Variants in DAB1 observed in about 807,000 individuals in gnomAD.
The protein encoded by DAB1 is DAB adaptor protein 1.
DAB1 carries 15 observed loss-of-function variants against 64.6 expected under a neutral mutation model. That is an observed-to-expected ratio of 0.23 (90% confidence interval 0.16 to 0.36). The LOEUF (loss-of-function observed/expected upper bound fraction) is 0.36, where lower values mean the gene tolerates loss of function less well. Among genes scored for constraint, DAB1 ranks in the 10% least tolerant of loss-of-function variants. DAB1 has a pLI of 1.00. For missense variants in DAB1, 596 were observed against 706.7 expected (o/e 0.84, Z 1.78); for synonymous variants, 235 against 251.9 (o/e 0.93, Z 0.64).
At chr1:57,747,807 C>CAAAAAAA (rs373640023) in intron 6 of DAB1, among the ~76,000 whole-genome samples, 2 of 43,974 alleles carry the variant, frequency 4.5e-5, no homozygotes, top group African/African-American at 1.5e-4. Flanking sequence ...GGACTCTGTC[C>CAAAAAAA]AAAAAAAAAA....
intron 2 of DAB1, among the ~76,000 whole-genome samples, chr1:57,230,067 A>T (rs530727361): frequency 6.6e-6 from 1 of 152,206 alleles, no homozygotes; most frequent in Non-Finnish European, 1.5e-5. Context: ...GTGATTGCAT[A>T]GCCTTTCAAA....
At chr1:58,093,021 C>G (rs1650762229) in intron 5 of DAB1, among the ~76,000 whole-genome samples, 1 of 152,202 alleles carries the variant, frequency 6.6e-6, no homozygotes, top group African/African-American at 2.4e-5. Flanking sequence ...AGCCTAAACA[C>G]TTTTAGAGTG....
At chr1:57,684,476 T>C (rs925029472) in intron 6 of DAB1, among the ~76,000 whole-genome samples, 1 of 152,148 alleles carries the variant, frequency 6.6e-6, no homozygotes, top group Non-Finnish European at 1.5e-5. Context: ...CTATTTTCAG[T>C]ATCCTTAAAA....
chr1:57,593,197 C>T (rs1645466470), intron 7 of DAB1, among the ~76,000 whole-genome samples: 1 of 152,168 alleles, frequency 6.6e-6, no homozygotes, highest in African/African-American at 2.4e-5. Context: ...AACCACCATT[C>T]TACTTTCAGG....
rs376130413 is a variant in DAB1, at chr1:58,219,025, C to CTCTCTCTGTG, written n.310-68438_310-68437insCACAGAGAGA. Among the ~76,000 whole-genome samples, 771 of 129,518 alleles carry CTCTCTCTGTG rather than the reference C, an allele frequency of 6.0e-3. 7 individuals are homozygous for CTCTCTCTGTG. The highest frequency in any genetic ancestry group is 0.017 in the African/African-American group (551 of 32,002). The allele number at this position is 129,518 out of a possible 152,430, so 85.0% of individuals were successfully genotyped here. On this transcript the variant is annotated intron_variant and non_coding_transcript_variant, in intron 4 of 20. Transcript: ENST00000485760. ...TCTCTCTCTCTCTCTCTCTCTCTCT[C>CTCTCTCTGTG]TGTGTGTGTGTGTGTGTGTTTCAAT...
intron 1 of DAB1, among the ~76,000 whole-genome samples, chr1:57,305,900 C>T (rs185298908): frequency 7.8e-4 from 112 of 144,034 alleles, no homozygotes; most frequent in African/African-American, 2.8e-3. Context: ...ACCTGGGAGG[C>T]AGAGCTTGCA....
chr1:57,611,416 C>T lies in DAB1; in HGVS notation n.625+38176G>A, dbSNP rs61769603. ...GAGGGAAAAGAATAAAAACATAAGG[C>T]AAAGGCTGATTATATGCATAAATCT... is the stretch of plus-strand genomic sequence containing the variant. On this transcript the variant is annotated intron_variant and non_coding_transcript_variant, in intron 7 of 20. Transcript: ENST00000485760. Among the ~76,000 whole-genome samples, 935 of 152,224 alleles carry T rather than the reference C, an allele frequency of 6.1e-3. 5 individuals carry two copies. Among genetic ancestry groups the T allele is most frequent in the Non-Finnish European group, 0.011 (757 of 68,010 alleles).
At chr1:57,357,019 T>G (rs1679164348) in intron 1 of DAB1, among the ~76,000 whole-genome samples, 1 of 152,062 alleles carries the variant, frequency 6.6e-6, no homozygotes, top group Non-Finnish European at 1.5e-5. Flanking sequence ...ATAGGGTCAC[T>G]GCATGGATTA....
intron 7 of DAB1, among the ~76,000 whole-genome samples, chr1:57,536,715 G>A (rs1214128206): frequency 6.8e-6 from 1 of 146,824 alleles, no homozygotes; most frequent in East Asian, 2.0e-4. Flanking sequence ...AAAAAAGATT[G>A]AGCCCTGTCT....
chr1:57,640,439 T>C (rs1646114671), intron 7 of DAB1, among the ~76,000 whole-genome samples: 1 of 152,180 alleles, frequency 6.6e-6, no homozygotes, highest in Non-Finnish European at 1.5e-5. Context: ...AATTTCCTTT[T>C]TTTACAGGTA....
chr1:57,866,594 A>G (rs1374402751), intron 1 of DAB1, among the ~76,000 whole-genome samples: 1 of 152,168 alleles, frequency 6.6e-6, no homozygotes, highest in Non-Finnish European at 1.5e-5. Context: ...TATCTAACCC[A>G]GAGGAAGTTA....
intron 7 of DAB1, among the ~76,000 whole-genome samples, chr1:57,466,127 C>T (rs912658256): frequency 2.6e-5 from 4 of 152,178 alleles, no homozygotes; most frequent in African/African-American, 9.7e-5. Context: ...GAGCCACTAT[C>T]AAGAGAATTT....
intron 7 of DAB1, among the ~76,000 whole-genome samples, chr1:57,450,348 G>A (rs1686303819): frequency 6.6e-6 from 1 of 152,170 alleles, no homozygotes; most frequent in African/African-American, 2.4e-5. Context: ...GTTACGAGAA[G>A]AGAAATAGCT....
rs1426133297 is a variant in DAB1 at position 57,729,129 on chromosome 1, A to T, written n.552-79464T>A. 2.0e-5 allele frequency among the ~76,000 whole-genome samples: 3 copies of T among 152,214 alleles called. No individual in the cohort carries two copies. In the East Asian group the frequency reaches 5.8e-4, roughly 29 times the overall value. ...GAACTGTTAAGTTGCAGTAATTCCAATGGGGAAAACCAGGTAAGCACGTAT... is the reference window on the plus strand; with the variant it reads ...GAACTGTTAAGTTGCAGTAATTCCATTGGGGAAAACCAGGTAAGCACGTAT... On this transcript the variant is annotated intron_variant and non_coding_transcript_variant, in intron 6 of 20. Coordinates refer to the DAB1 transcript ENST00000485760.
rs535785615 is a variant in DAB1, at chr1:58,046,470, T to C, written n.387+104041A>G. On this transcript the variant is annotated intron_variant and non_coding_transcript_variant, in intron 5 of 20. Transcript: ENST00000485760. ...GTTGATTTTATTTTCTGTTGATTTT[T>C]TTTTCGAAGGTAGGATTATGAACTA... 1.2e-4 allele frequency among the ~76,000 whole-genome samples: 19 copies of C among 152,316 alleles called. No individual in the cohort carries two copies. In the East Asian group the frequency reaches 3.7e-3, roughly 29 times the overall value.
At chr1:57,398,543 A>T (rs934169528) in intron 1 of DAB1, among the ~76,000 whole-genome samples, 14 of 152,212 alleles carry the variant, frequency 9.2e-5, no homozygotes, top group African/African-American at 3.4e-4. Flanking sequence ...TTGCTGAGAG[A>T]CAGTCAGTAT....
intron 3 of DAB1, among the ~76,000 whole-genome samples, chr1:58,481,832 T>C (rs1645489188): frequency 6.6e-6 from 1 of 152,214 alleles, no homozygotes; most frequent in African/African-American, 2.4e-5. Flanking sequence ...ACTGCCGCCA[T>C]GTAAGACATG....
chr1:57,253,823 A>G (rs979029599), intron 2 of DAB1, among the ~76,000 whole-genome samples: 1 of 152,164 alleles, frequency 6.6e-6, no homozygotes, highest in African/African-American at 2.4e-5. Context: ...GATGCCATCC[A>G]TGTTTGGACC....
chr1:57,366,847 A>G (rs1680038375), intron 1 of DAB1, among the ~76,000 whole-genome samples: 2 of 151,998 alleles, frequency 1.3e-5, no homozygotes, highest in Admixed American at 1.3e-4. Context: ...TTTAACCTCC[A>G]TGCTGTTCTG....
Sources: allele counts gnomAD v4.1 joint callset (sites outside exome capture counted in the v4.1 genomes callset), GRCh38; gene constraint gnomAD v4.1.1; transcripts MANE v1.5; gene names NCBI Gene and HGNC (gene_info 2026-07-23, HGNC 2026-07-21).